The following YARS1 variants were observed in gnomAD, a reference collection of about 807,000 sequenced individuals.
YARS1 encodes tyrosine--tRNA ligase, cytoplasmic.
YARS1 carries 36 observed loss-of-function variants against 62.2 expected under a neutral mutation model. The ratio of observed to expected loss-of-function variants is 0.58; its 90% CI spans 0.44 to 0.76. The LOEUF is 0.76. YARS1 is among the 30% of genes least tolerant of loss of function. The pLI is 0.00. For missense variants in YARS1, 524 were observed against 639.8 expected, an observed-to-expected ratio of 0.82 and a Z score of 1.95; for synonymous variants, 234 against 244.9, an observed-to-expected ratio of 0.96 and a Z score of 0.42.
intron 4 of YARS1, among the ~76,000 whole-genome samples, chr1:32,805,358 A>G (rs1458472254): frequency 1.3e-5 from 2 of 151,878 alleles, no homozygotes; most frequent in Non-Finnish European, 2.9e-5. Context: ...TCATGAACCA[A>G]TCTCTCAGCC....
intron 8 of YARS1, among the ~76,000 whole-genome samples, chr1:32,784,743 C>T (rs1483875818): frequency 3.9e-5 from 6 of 152,160 alleles, no homozygotes; most frequent in Admixed American, 3.9e-4. Context: ...CACACATACA[C>T]ACATATGTTA....
At chr1:32,799,975 C>T (rs1653724510) in intron 4 of YARS1, among the ~76,000 whole-genome samples, 1 of 151,790 alleles carries the variant, frequency 6.6e-6, no homozygotes, top group South Asian at 2.1e-4. Context: ...GCAGAACTAG[C>T]ATGTCTCCGG....
In YARS1 at chr1:32,775,956, A is replaced by G. The variant is rs1245862756; in HGVS notation, c.*25T>C. The stretch of plus-strand genomic sequence containing the variant: ...AGACAGCAGATGACTCAGTGGTGGA[A>G]GAAGGGGGGAAGATGCTGGGCTGGC... On this transcript the variant is annotated 3_prime_UTR_variant, in exon 13 of 13. Coordinates refer to ENST00000373477, the MANE Select transcript of YARS1 (RefSeq NM_003680.4). 6.3e-7 allele frequency: 1 copy of G among 1,580,924 alleles called. No homozygotes were observed. Among genetic ancestry groups the G allele is most frequent in the Non-Finnish European group, 8.7e-7 (1 of 1,150,140 alleles).
intron 5 of YARS1, among the ~76,000 whole-genome samples, chr1:32,796,278 A>G (rs1480820071): frequency 1.3e-5 from 2 of 152,210 alleles, no homozygotes; most frequent in Non-Finnish European, 2.9e-5. Context: ...CCCAGGCAAC[A>G]GTGTGAGACT....
chr1:32,803,378 CACCTCG>C (rs1347763901), intron 4 of YARS1, among the ~76,000 whole-genome samples: 31 of 149,104 alleles, frequency 2.1e-4, no homozygotes, highest in Admixed American at 1.8e-3. Flanking sequence ...GTGATTTGCT[CACCTCG>C]GCATCCCAAA....
At chr1:32,780,850 T>A in intron 10 of YARS1, 198 bp downstream of exon 10, 1 of 638,152 alleles carries the variant, frequency 1.6e-6, no homozygotes, top group Non-Finnish European at 2.8e-6. Flanking sequence ...GCTGAGTTCC[T>A]GGCTGTGTTT....
Position 32,780,615 on chromosome 1 carries a change from G to A in YARS1, c.1141-337C>T, listed in dbSNP as rs183203414. The stretch of plus-strand genomic sequence containing the variant: ...ACACAGTGAGAAGCAAATCCATGTC[G>A]AAGGGAAAAAAAGCCCAGAACAATG... On this transcript the variant is annotated intron_variant, in intron 10 of 12. Transcript: ENST00000373477. The A allele has an allele frequency of 1.2e-3, 511 of 425,960 alleles. 8 individuals are homozygous for A. In the Admixed American group the frequency reaches 0.016, roughly 13 times the overall value. 26.4% of individuals were successfully genotyped at this position (425,960 alleles called of 1,614,324 possible). A position where few individuals can be genotyped will look rare whatever the true frequency, so the allele number is the denominator to read the frequency against.
intron 6 of YARS1, among the ~76,000 whole-genome samples, chr1:32,787,703 C>G (rs1477449009): frequency 1.3e-5 from 2 of 151,996 alleles, no homozygotes; most frequent in African/African-American, 4.8e-5. Flanking sequence ...TTAGTAGAGA[C>G]AGGGTTTCAC....
At chr1:32,810,360 A>G (rs1156968839) in intron 3 of YARS1, among the ~76,000 whole-genome samples, 1 of 152,202 alleles carries the variant, frequency 6.6e-6, no homozygotes, top group Non-Finnish European at 1.5e-5. Context: ...TGTTTTGGTT[A>G]CGTTTATATT....
chr1:32,804,717 CG>C (rs1332347969), intron 4 of YARS1, among the ~76,000 whole-genome samples: 1 of 151,702 alleles, frequency 6.6e-6, no homozygotes, highest in African/African-American at 2.4e-5. Context: ...GACGTGATGG[CG>C]GCCGGGAAGA....
chr1:32,780,439 G>T, intron 10 of YARS1, 161 bp from the exon 11 acceptor site: 1 of 769,216 alleles, frequency 1.3e-6, no homozygotes, highest in Non-Finnish European at 2.2e-6. Context: ...GCAGACAGGA[G>T]AATGGGCTCT....
chr1:32,784,140 G>A (rs932273564), intron 8 of YARS1, among the ~76,000 whole-genome samples: 1 of 151,226 alleles, frequency 6.6e-6, no homozygotes, highest in Non-Finnish European at 1.5e-5. Context: ...CAGTAGCTGC[G>A]ACTACAGGCA....
At chr1:32,806,022 C>T (rs893707205) in intron 4 of YARS1, among the ~76,000 whole-genome samples, 1 of 151,924 alleles carries the variant, frequency 6.6e-6, no homozygotes, top group Non-Finnish European at 1.5e-5. Context: ...ACTTAGAGGC[C>T]ATTGTAGGGT....
chr1:32,800,019 C>T (rs971749690), intron 4 of YARS1, among the ~76,000 whole-genome samples: 2 of 152,060 alleles, frequency 1.3e-5, no homozygotes, highest in Non-Finnish European at 2.9e-5. Context: ...CTCACTCTGT[C>T]ACCCAGGCTG....
chr1:32,800,564 A>G (rs12032397), intron 4 of YARS1, among the ~76,000 whole-genome samples: 20,858 of 152,030 alleles, frequency 0.14, 1,781 homozygotes, highest in South Asian at 0.23. Flanking sequence ...CAAGGTAAAC[A>G]GTATCAACAG....
intron 1 of YARS1, 132 bp downstream of exon 1, chr1:32,817,056 A>T: frequency 8.5e-7 from 1 of 1,175,156 alleles, no homozygotes; most frequent in Non-Finnish European, 1.3e-6. Flanking sequence ...AGTGAGATCT[A>T]CAGGCTCTCT....
intron 6 of YARS1, among the ~76,000 whole-genome samples, chr1:32,789,444 T>C (rs920117706): frequency 1.3e-5 from 2 of 152,222 alleles, no homozygotes; most frequent in African/African-American, 4.8e-5. Context: ...ATAGGCTTTG[T>C]TTCTTATTTG....
chr1:32,775,630 T>G lies in YARS1; in HGVS notation c.*351A>C. The G allele has an allele frequency of 3.5e-6, 1 of 285,182 alleles. No homozygotes were observed. The highest frequency in any genetic ancestry group is 4.9e-5 in the South Asian group (1 of 20,266). 17.7% of individuals were successfully genotyped at this position (285,182 alleles called of 1,614,324 possible). Reference sequence around the variant, plus strand: ...CTAGGGGCGCAGCTGCTTGGATAACTCCAAGAAAACCTGGGCACCAGTATT... The same window carrying G: ...CTAGGGGCGCAGCTGCTTGGATAACGCCAAGAAAACCTGGGCACCAGTATT... On this transcript the variant is annotated 3_prime_UTR_variant, in exon 13 of 13. Transcript: ENST00000373477.
chr1:32,779,735 T>G (rs1002424842), intron 11 of YARS1: 1 of 650,462 alleles, frequency 1.5e-6, no homozygotes, highest in Non-Finnish European at 2.6e-6. Flanking sequence ...TGTGTCAAGA[T>G]ACCAAAATCT....
Sources: allele counts gnomAD v4.1 joint callset (sites outside exome capture counted in the v4.1 genomes callset), GRCh38; gene constraint gnomAD v4.1.1; transcripts MANE v1.5; gene names NCBI Gene and HGNC (gene_info 2026-07-23, HGNC 2026-07-21).